PLEKHM3: variants seen among roughly 807,000 people sequenced by gnomAD.
PLEKHM3 encodes the protein pleckstrin homology domain-containing family M member 3.
In PLEKHM3, 45 loss-of-function variants were observed where a neutral mutation model predicts 81.8. The observed-to-expected ratio is 0.55, with a 90% CI of 0.43 to 0.71. PLEKHM3 has a LOEUF of 0.71. Ranked by LOEUF, PLEKHM3 falls within the 30% of genes least tolerant of loss-of-function variation. The pLI is 0.00. For missense variants in PLEKHM3, 788 were observed against 924.3 expected, an observed-to-expected ratio of 0.85 and a Z score of 1.91; for synonymous variants, 352 against 356.4, an observed-to-expected ratio of 0.99 and a Z score of 0.14.
intron 6 of PLEKHM3, among the ~76,000 whole-genome samples, chr2:207,874,329 C>T (rs1485883836): frequency 6.6e-6 from 1 of 152,098 alleles, no homozygotes; most frequent in Non-Finnish European, 1.5e-5. Context: ...AATCCCAGCA[C>T]CTTGGGAGGC....
chr2:207,856,026 T>A (rs1344969303), intron 7 of PLEKHM3, among the ~76,000 whole-genome samples: 1 of 152,236 alleles, frequency 6.6e-6, no homozygotes. Flanking sequence ...GTGTGTGGTA[T>A]ATGGGAACTC....
intron 5 of PLEKHM3, among the ~76,000 whole-genome samples, chr2:207,922,674 T>C (rs1268403775): frequency 1.3e-5 from 2 of 151,876 alleles, no homozygotes; most frequent in Admixed American, 6.6e-5. Context: ...TAGCTGGGCG[T>C]GGTGGCGGGC....
At chr2:207,880,816 C>CA (rs984215342) in intron 6 of PLEKHM3, among the ~76,000 whole-genome samples, 6 of 53,176 alleles carry the variant, frequency 1.1e-4, no homozygotes, top group South Asian at 7.2e-4. Context: ...CAAAAAAAAA[C>CA]AAAAAAACAA....
chr2:208,001,087 T>A lies in PLEKHM3; in HGVS notation c.553A>T (p.Arg185Trp), dbSNP rs1180319683. ...QPLLQGPHVT[R>W]PSFLLPSPNK... ...GGTGAGGGCAACAGAAAAGATGGCC[T>A]GGTGACATGCGGGCCTTGAAGCAAT... is the stretch of plus-strand genomic sequence containing the variant. Residue 185 changes from arginine (R) to tryptophan (W), a missense_variant, in exon 2 of 8, where the codon AGG (arginine) becomes TGG (tryptophan). Physicochemically the swap from Arg to Trp is moderately radical, Grantham distance 101. Transcript: ENST00000427836. 6.4e-7 allele frequency: 1 copy of A among 1,573,638 alleles called. No homozygotes were observed. Among genetic ancestry groups the A allele is most frequent in the East Asian group, 2.4e-5 (1 of 41,892 alleles).
chr2:207,930,496 A>T (rs1339657836), intron 5 of PLEKHM3, among the ~76,000 whole-genome samples: 1 of 152,068 alleles, frequency 6.6e-6, no homozygotes, highest in Non-Finnish European at 1.5e-5. Flanking sequence ...CTTATTTCCC[A>T]TTGAAAATGC....
At chr2:207,970,239 G>A (rs1038675156) in intron 3 of PLEKHM3, among the ~76,000 whole-genome samples, 7 of 152,042 alleles carry the variant, frequency 4.6e-5, no homozygotes, top group Admixed American at 4.6e-4. Flanking sequence ...AGAGGAGGTA[G>A]GGTGGGGCAA....
chr2:207,918,971 G>A (rs1689093608), intron 5 of PLEKHM3, among the ~76,000 whole-genome samples: 1 of 152,144 alleles, frequency 6.6e-6, no homozygotes, highest in South Asian at 2.1e-4. Flanking sequence ...ATGGTAATAA[G>A]TAAGCAGAGA....
chr2:207,968,387 G>A (rs1301452637), intron 3 of PLEKHM3, among the ~76,000 whole-genome samples: 1 of 152,056 alleles, frequency 6.6e-6, no homozygotes, highest in East Asian at 1.9e-4. Context: ...AGTGGGGTTG[G>A]GGGTGGGGGG....
intron 7 of PLEKHM3, among the ~76,000 whole-genome samples, chr2:207,856,307 T>C (rs1272298043): frequency 6.6e-6 from 1 of 152,166 alleles, no homozygotes; most frequent in Non-Finnish European, 1.5e-5. Context: ...TGAACCAATA[T>C]CGATATATCA....
At chr2:207,874,396 C>G (rs1271904362) in intron 6 of PLEKHM3, among the ~76,000 whole-genome samples, 1 of 151,930 alleles carries the variant, frequency 6.6e-6, no homozygotes, top group Non-Finnish European at 1.5e-5. Context: ...CCAAAATGGA[C>G]AAACCCTGTC....
At chr2:207,837,632 C>CCTTT (rs2092326606) in intron 7 of PLEKHM3, among the ~76,000 whole-genome samples, 1 of 106,004 alleles carries the variant, frequency 9.4e-6, no homozygotes, top group Non-Finnish European at 1.8e-5. Context: ...ATAGTTCTCC[C>CCTTT]TTTTTTTTTT....
intron 6 of PLEKHM3, among the ~76,000 whole-genome samples, chr2:207,866,109 T>C (rs2105820946): frequency 6.6e-6 from 1 of 152,098 alleles, no homozygotes; most frequent in East Asian, 1.9e-4. Flanking sequence ...TATTAATCAG[T>C]TTTAGACATC....
rs757704818 is a variant in PLEKHM3, at chr2:207,828,348, T to G, written c.2257A>C (p.Met753Leu). Residue 753 changes from methionine (M) to leucine (L), a missense_variant, in exon 8 of 8, where the codon ATG becomes CTG. Met to Leu is a conservative substitution (Grantham distance 15). Coordinates refer to ENST00000427836, the MANE Select transcript of PLEKHM3 (RefSeq NM_001080475.3). Reference sequence around the variant, plus strand: ...GTGTTCTGGTAGGACAGCTCGAACATGGTGCAAGCCTCCTCTAGACTCTCG... The same window carrying G: ...GTGTTCTGGTAGGACAGCTCGAACAGGGTGCAAGCCTCCTCTAGACTCTCG... Reference protein sequence around the residue: ...MDESLEEACTMFELSYQNT With the variant: ...MDESLEEACTLFELSYQNT 2.5e-6 allele frequency: 4 copies of G among 1,613,482 alleles called. No homozygotes were observed. The Admixed American group carries it at 6.7e-5, about 27-fold the overall frequency.
intron 2 of PLEKHM3, among the ~76,000 whole-genome samples, chr2:207,989,743 T>C (rs563869305): frequency 7.9e-5 from 12 of 152,262 alleles, no homozygotes; most frequent in African/African-American, 9.6e-5. Flanking sequence ...TTTGAACCAA[T>C]TGAGATAGAC....
intron 6 of PLEKHM3, among the ~76,000 whole-genome samples, chr2:207,895,011 T>G (rs1003492404): frequency 2.0e-5 from 3 of 152,188 alleles, no homozygotes; most frequent in Admixed American, 2.0e-4. Flanking sequence ...AAGTAAGCAC[T>G]CAATAATAAA....
At chr2:207,925,107 C>T (rs1477555964) in intron 5 of PLEKHM3, among the ~76,000 whole-genome samples, 1 of 148,500 alleles carries the variant, frequency 6.7e-6, no homozygotes, top group African/African-American at 2.5e-5. Flanking sequence ...AAGATGGGAT[C>T]TTAGGTGGTA....
In PLEKHM3 at chr2:207,908,550, T is replaced by C. The variant is rs1205516859; in HGVS notation, c.1914A>G (p.Gln638=). The change falls in exon 6 of 8, where the codon CAA becomes CAG. Residue 638 remains glutamine, a synonymous_variant. Coordinates refer to ENST00000427836, the MANE Select transcript of PLEKHM3 (RefSeq NM_001080475.3). ...CGGCAAGTGAATACAGGTGGATCTG[T>C]TGAAGGAGGTATTCTCTGGGGAAAA... ...RRIFPREYLL[Q]QIHLYSLADL... 2 of 1,613,230 alleles carry C rather than the reference T, an allele frequency of 1.2e-6. No homozygotes were observed. The highest frequency in any genetic ancestry group is 1.1e-5 in the South Asian group (1 of 90,922).
intron 4 of PLEKHM3, among the ~76,000 whole-genome samples, chr2:207,938,671 C>T (rs930502880): frequency 3.3e-5 from 5 of 152,188 alleles, no homozygotes; most frequent in Non-Finnish European, 7.3e-5. Context: ...CCACCAGGTC[C>T]ACTTTTGCTT....
At chr2:207,837,043 T>A (rs1178727978) in intron 7 of PLEKHM3, among the ~76,000 whole-genome samples, 1 of 152,130 alleles carries the variant, frequency 6.6e-6, no homozygotes, top group Non-Finnish European at 1.5e-5. Context: ...TATTACTGGT[T>A]TTTCCAAAAA....
Sources: allele counts gnomAD v4.1 joint callset (sites outside exome capture counted in the v4.1 genomes callset), GRCh38; gene constraint gnomAD v4.1.1; transcripts MANE v1.5; gene names NCBI Gene and HGNC (gene_info 2026-07-23, HGNC 2026-07-21).